The following SCPEP1 variants were observed in gnomAD, a reference collection of about 807,000 sequenced individuals.
The protein encoded by SCPEP1 is serine carboxypeptidase 1, also known as retinoid-inducible serine carboxypeptidase.
In SCPEP1, 51 loss-of-function variants were observed where a neutral mutation model predicts 63.8. The ratio of observed to expected loss-of-function variants is 0.80; its 90% confidence interval spans 0.64 to 1.01. The LOEUF (loss-of-function observed/expected upper bound fraction) is 1.01. Ranked by LOEUF, SCPEP1 falls within the 50% of genes least tolerant of loss-of-function variation. The pLI is 0.00. For synonymous variants in SCPEP1, 204 were observed against 207.8 expected (o/e 0.98, Z 0.16); for missense variants, 499 against 554.9 (o/e 0.90, Z 1.01).
rs776088097 is a variant in SCPEP1, at chr17:56,988,241, A to G, written c.497A>G (p.Glu166Gly). ...ACAGTTCCATTCTACATTTTCTCAG[A>G]GTCCTATGGAGGAAAAATGGCAGCT... ...FQTVPFYIFS[E>G]SYGGKMAAGI... is the part of the protein sequence containing the mutation. The change falls in exon 5 of 13, where the codon GAG (glutamate) becomes GGG (glycine). Residue 166 changes from glutamate to glycine, a missense_variant. Glu to Gly is a moderately conservative substitution (Grantham distance 98). Coordinates refer to ENST00000262288, the MANE Select transcript of SCPEP1 (RefSeq NM_021626.3). The G allele has an allele frequency of 3.1e-6, 5 of 1,612,134 alleles. No homozygotes were observed. In the Admixed American group the frequency reaches 5.0e-5, roughly 16 times the overall value.
At chr17:57,002,235 A>G in intron 12 of SCPEP1, 54 bp downstream of exon 12, 3 of 1,579,542 alleles carry the variant, frequency 1.9e-6, no homozygotes, top group Non-Finnish European at 2.6e-6. Context: ...GGGAAGCCAC[A>G]GGCGGTTATT....
At chr17:56,990,579 C>T (rs979861258) in intron 5 of SCPEP1, among the ~76,000 whole-genome samples, 3 of 152,180 alleles carry the variant, frequency 2.0e-5, no homozygotes, top group Non-Finnish European at 4.4e-5. Context: ...CTGCTTTCTT[C>T]AATCAGTAGT....
rs568354019 is a variant in SCPEP1 at position 57,001,048 on chromosome 17, G to A, written c.1132+56G>A. The A allele has an allele frequency of 1.1e-5, 17 of 1,589,412 alleles. No homozygotes were observed. The African/African-American group carries it at 2.1e-4, about 20-fold the overall frequency. On this transcript the variant is annotated intron_variant, in intron 11 of 12. Transcript: ENST00000262288. ...GCAGTTTTATGGGTTCAACTGGAAG[G>A]GAACTGGCCTTGGACATGTCAGTCT... is the stretch of plus-strand genomic sequence containing the variant.
At chr17:56,995,070 T>G in intron 7 of SCPEP1, 52 bp downstream of exon 7, 1 of 1,497,360 alleles carries the variant, frequency 6.7e-7, no homozygotes, top group Non-Finnish European at 9.3e-7. Context: ...GCAGATCTCT[T>G]CTGGCTGTGA....
intron 1 of SCPEP1, among the ~76,000 whole-genome samples, chr17:56,979,545 A>G (rs1911010554): frequency 6.6e-6 from 1 of 152,244 alleles, no homozygotes; most frequent in Admixed American, 6.5e-5. Flanking sequence ...ACGTTAGCAA[A>G]AAGTGACAAA....
intron 8 of SCPEP1, 98 bp downstream of exon 8, chr17:56,995,733 G>C: frequency 7.8e-7 from 1 of 1,282,340 alleles, no homozygotes; most frequent in Non-Finnish European, 1.1e-6. Context: ...CTACACTGAG[G>C]CTCCCCACAT....
chr17:56,995,696 C>T lies in SCPEP1; in HGVS notation c.786+61C>T. Reference sequence around the variant, plus strand: ...GGCTTTTTCTGGTGGGTACAGGGCCCATGGTTGGTGTTGTCAAACTTGGAG... The same window carrying T: ...GGCTTTTTCTGGTGGGTACAGGGCCTATGGTTGGTGTTGTCAAACTTGGAG... On this transcript the variant is annotated intron_variant, in intron 8 of 12. Transcript: ENST00000262288. The T allele has an allele frequency of 2.6e-6, 4 of 1,542,148 alleles. No homozygotes were observed. In the South Asian group the frequency reaches 5.0e-5, roughly 19 times the overall value.
chr17:56,996,539 A>G (rs1268055390), intron 8 of SCPEP1, among the ~76,000 whole-genome samples: 1 of 138,600 alleles, frequency 7.2e-6, no homozygotes, highest in Non-Finnish European at 1.5e-5. Flanking sequence ...TTTTTTTTTG[A>G]GACTAAGTCT....
intron 3 of SCPEP1, 64 bp downstream of exon 3, chr17:56,985,531 C>A: frequency 8.4e-7 from 1 of 1,188,512 alleles, no homozygotes; most frequent in Non-Finnish European, 1.3e-6. Context: ...CTGCCCAACT[C>A]TGGGAGGGGC....
chr17:56,982,879 C>G (rs1050185988), intron 2 of SCPEP1: 13 of 151,672 alleles, frequency 8.6e-5, no homozygotes, highest in Admixed American at 7.9e-4. Flanking sequence ...ACCCAGAGAC[C>G]CAAGAGAGAA....
intron 2 of SCPEP1, chr17:56,984,630 G>C (rs1278127129): frequency 6.6e-6 from 1 of 152,244 alleles, no homozygotes; most frequent in Non-Finnish European, 1.5e-5. Context: ...CACAGAATCT[G>C]CTTGATCAAA....
chr17:56,998,344 C>T (rs781360871), intron 9 of SCPEP1, 41 bp from the exon 10 acceptor site: 2 of 1,228,094 alleles, frequency 1.6e-6, no homozygotes, highest in Non-Finnish European at 2.4e-6. Flanking sequence ...CTTGGCCTTA[C>T]TTCCAGCCCT....
chr17:56,990,721 G>T (rs567508326), intron 5 of SCPEP1, among the ~76,000 whole-genome samples: 75 of 56,950 alleles, frequency 1.3e-3, no homozygotes, highest in African/African-American at 4.1e-3. Context: ...TCCAGCCTCT[G>T]CCTCCTGGGC....
intron 2 of SCPEP1, chr17:56,984,586 T>A (rs1911161004): frequency 6.6e-6 from 1 of 152,498 alleles, no homozygotes; most frequent in Non-Finnish European, 1.5e-5. Context: ...AAACTCTCCC[T>A]GCCCTGGGAC....
At chr17:56,980,788 CAAAAAAAAA>C (rs10716600) in intron 1 of SCPEP1, among the ~76,000 whole-genome samples, 1 of 77,140 alleles carries the variant, frequency 1.3e-5, no homozygotes, top group African/African-American at 4.9e-5. Flanking sequence ...GACTTCGTAT[CAAAAAAAAA>C]AAAAAAAAAA....
At position 56,999,012 on chromosome 17, in the gene SCPEP1, CTGAGTGGGGAGGGA is replaced by C. The variant is rs1257304115; in HGVS notation, c.994+515_994+528del. On this transcript the variant is annotated intron_variant, in intron 10 of 12. Coordinates refer to ENST00000262288, the MANE Select transcript of SCPEP1 (RefSeq NM_021626.3). ...TTCAAAATAAGGAGTTGGTAGGGAGCTGAGTGGGGAGGGAAATAATGTGTAATTGGTTGTGAGTT... is the reference window on the plus strand; with the variant it reads ...TTCAAAATAAGGAGTTGGTAGGGAGCAATAATGTGTAATTGGTTGTGAGTT... 7.2e-3 allele frequency among the ~76,000 whole-genome samples: 1,102 copies of C among 152,126 alleles called. 16 individuals are homozygous for C. Among genetic ancestry groups the C allele is most frequent in the African/African-American group, 0.025 (1,049 of 41,486 alleles).
At chr17:56,997,110 A>G in intron 9 of SCPEP1, 55 bp downstream of exon 9, 1 of 1,125,376 alleles carries the variant, frequency 8.9e-7, no homozygotes, top group Non-Finnish European at 1.3e-6. Context: ...TGCAAAAAGA[A>G]ACCTGTTTAT....
At chr17:56,979,517 T>A (rs1911008865) in intron 1 of SCPEP1, among the ~76,000 whole-genome samples, 1 of 152,070 alleles carries the variant, frequency 6.6e-6, no homozygotes. Context: ...AAAAAGATGC[T>A]ATAACTTGGA....
At position 56,998,488 on chromosome 17, in the gene SCPEP1, A is replaced by G. The variant is rs374640926; in HGVS notation, c.984A>G (p.Gln328=). The G allele has an allele frequency of 1.1e-4, 185 of 1,612,800 alleles. No individual in the cohort carries two copies. Among genetic ancestry groups the G allele is most frequent in the Non-Finnish European group, 1.4e-4 (167 of 1,178,982 alleles). The change falls in exon 10 of 13, where the codon CAA becomes CAG. Residue 328 remains glutamine (Q), a synonymous_variant. Coordinates refer to ENST00000262288, the MANE Select transcript of SCPEP1 (RefSeq NM_021626.3). ...RKKLKIIPED[Q]SWGGQATNVF... is the part of the protein sequence containing the mutation. ...AGCTCAAAATTATTCCTGAGGATCAATCCTGGGGAGGTACTTATATGACCT... is the reference window on the plus strand; with the variant it reads ...AGCTCAAAATTATTCCTGAGGATCAGTCCTGGGGAGGTACTTATATGACCT...
Sources: allele counts gnomAD v4.1 joint callset (sites outside exome capture counted in the v4.1 genomes callset), GRCh38; gene constraint gnomAD v4.1.1; transcripts MANE v1.5; gene names NCBI Gene and HGNC (gene_info 2026-07-23, HGNC 2026-07-21).